Variants in COL24A1 observed in about 807,000 individuals in gnomAD.
COL24A1 encodes the protein collagen type XXIV alpha 1 chain.
COL24A1 carries 224 observed loss-of-function variants against 253.9 expected under a neutral mutation model. The observed-to-expected ratio is 0.88, with a 90% CI of 0.79 to 0.99. The LOEUF (loss-of-function observed/expected upper bound fraction) is 0.99. Among genes scored for constraint, COL24A1 ranks in the 50% least tolerant of loss-of-function variants. COL24A1 has a pLI of 0.00. For synonymous variants in COL24A1, 685 were observed against 673.7 expected (o/e 1.02, Z -0.26); for missense variants, 2,131 against 2,068.5 (o/e 1.03, Z -0.59).
chr1:86,059,237 C>A (rs1430777616), intron 8 of COL24A1, 63 bp from the exon 9 acceptor site: 2 of 1,189,928 alleles, frequency 1.7e-6, no homozygotes, highest in East Asian at 5.0e-5. Flanking sequence ...GGTATATTTA[C>A]AATACACAAG....
chr1:86,156,311 C>T (rs1320514927), intron 1 of COL24A1, 30 bp downstream of exon 1: 3 of 1,605,868 alleles, frequency 1.9e-6, no homozygotes, highest in Non-Finnish European at 8.5e-7. Flanking sequence ...TGGTCTAACC[C>T]CTACCCTACC....
intron 24 of COL24A1, among the ~76,000 whole-genome samples, chr1:85,922,158 T>C (rs1003786015): frequency 6.6e-6 from 1 of 152,052 alleles, no homozygotes; most frequent in Non-Finnish European, 1.5e-5. Flanking sequence ...CCAAGAAATA[T>C]GGGATTATGC....
intron 1 of COL24A1, among the ~76,000 whole-genome samples, chr1:86,150,157 C>A (rs1364742498): frequency 6.6e-6 from 1 of 152,150 alleles, no homozygotes; most frequent in Non-Finnish European, 1.5e-5. Flanking sequence ...TAAGTACACC[C>A]AAAGCCTAAT....
chr1:86,133,356 A>C (rs1005803829), intron 2 of COL24A1, among the ~76,000 whole-genome samples: 13 of 152,044 alleles, frequency 8.6e-5, no homozygotes, highest in African/African-American at 1.9e-4. Flanking sequence ...CTTCTCCTGC[A>C]TGATTGCCCT....
intron 52 of COL24A1, among the ~76,000 whole-genome samples, chr1:85,779,927 T>G (rs935343083): frequency 6.6e-6 from 1 of 152,212 alleles, no homozygotes; most frequent in African/African-American, 2.4e-5. Flanking sequence ...TATAAGGGTC[T>G]TTAAGAACTA....
chr1:85,885,391 A>T (rs1266075268), intron 32 of COL24A1, among the ~76,000 whole-genome samples: 43 of 83,930 alleles, frequency 5.1e-4, no homozygotes, highest in Middle Eastern at 6.5e-3. Context: ...ATATATATAT[A>T]TATATATTTT....
At chr1:85,913,879 G>C (rs1685608217) in intron 24 of COL24A1, among the ~76,000 whole-genome samples, 1 of 152,138 alleles carries the variant, frequency 6.6e-6, no homozygotes, top group South Asian at 2.1e-4. Flanking sequence ...GTCCATCCAG[G>C]CTACTATAAC....
chr1:86,143,995 G>A (rs1020888432), intron 2 of COL24A1, among the ~76,000 whole-genome samples: 2 of 151,966 alleles, frequency 1.3e-5, no homozygotes, highest in African/African-American at 2.4e-5. Flanking sequence ...AAATTGCATC[G>A]TGCCAATTTA....
chr1:85,845,365 C>T (rs1449041713), intron 39 of COL24A1, among the ~76,000 whole-genome samples: 2 of 151,740 alleles, frequency 1.3e-5, no homozygotes, highest in Non-Finnish European at 3.0e-5. Flanking sequence ...TGATAAAATT[C>T]AACATCTACT....
chr1:85,817,753 T>C (rs1371510925), intron 46 of COL24A1, among the ~76,000 whole-genome samples: 4 of 152,178 alleles, frequency 2.6e-5, no homozygotes, highest in Non-Finnish European at 5.9e-5. Flanking sequence ...GTTCTCTGTT[T>C]TTCAGTGGTT....
At chr1:85,780,126 T>C (rs1004974015) in intron 52 of COL24A1, among the ~76,000 whole-genome samples, 2 of 152,172 alleles carry the variant, frequency 1.3e-5, no homozygotes, top group African/African-American at 4.8e-5. Context: ...CAATCTTATA[T>C]AGCTCCGAGT....
chr1:85,945,917 T>TTAAAC (rs1428803339), intron 24 of COL24A1, among the ~76,000 whole-genome samples: 4 of 152,004 alleles, frequency 2.6e-5, no homozygotes, highest in Non-Finnish European at 4.4e-5. Context: ...GCAAAAAGAG[T>TTAAAC]TAAGAGAGCA....
intron 2 of COL24A1, among the ~76,000 whole-genome samples, chr1:86,141,111 A>G (rs948417047): frequency 6.6e-6 from 1 of 152,248 alleles, no homozygotes; most frequent in African/African-American, 2.4e-5. Context: ...GACAAAATAT[A>G]TCAACAAATT....
chr1:85,803,687 T>C (rs1232605519), intron 47 of COL24A1, among the ~76,000 whole-genome samples: 6 of 152,122 alleles, frequency 3.9e-5, no homozygotes, highest in African/African-American at 2.4e-5. Flanking sequence ...TAATTGCTAG[T>C]ACATAGAAAT....
At chr1:85,830,300 G>A (rs996053155) in intron 43 of COL24A1, among the ~76,000 whole-genome samples, 4 of 152,120 alleles carry the variant, frequency 2.6e-5, no homozygotes, top group African/African-American at 7.2e-5. Context: ...CCAGTTGCAT[G>A]CTGGGAGAAC....
At chr1:85,761,256 AG>A in intron 55 of COL24A1, 139 bp downstream of exon 55, 1 of 851,938 alleles carries the variant, frequency 1.2e-6, no homozygotes, top group Non-Finnish European at 1.8e-6. Context: ...TAGCTGGGCC[AG>A]CCCTGTATCA....
intron 37 of COL24A1, among the ~76,000 whole-genome samples, chr1:85,857,906 G>T (rs891073235): frequency 6.6e-6 from 1 of 152,208 alleles, no homozygotes; most frequent in Non-Finnish European, 1.5e-5. Flanking sequence ...TTGCACATCT[G>T]TAAGTACAAA....
chr1:85,893,758 G>A (rs1394828695), intron 31 of COL24A1, among the ~76,000 whole-genome samples: 2 of 152,098 alleles, frequency 1.3e-5, no homozygotes, highest in African/African-American at 4.8e-5. Flanking sequence ...GAGATGGAGA[G>A]GGTCTTAGAG....
intron 3 of COL24A1, among the ~76,000 whole-genome samples, chr1:86,117,376 C>T (rs1706250713): frequency 6.6e-6 from 1 of 152,200 alleles, no homozygotes; most frequent in Non-Finnish European, 1.5e-5. Context: ...CATCTATAAA[C>T]CAGAAACAGG....
Sources: gnomAD v4.1 joint callset for allele counts (sites outside exome capture counted in the v4.1 genomes callset) on GRCh38, gnomAD v4.1.1 for gene constraint, MANE v1.5 for transcripts, NCBI Gene and HGNC (gene_info 2026-07-23, HGNC 2026-07-21) for gene names.